The following SLC3A1 variants were observed in gnomAD, a reference collection of about 807,000 sequenced individuals.
SLC3A1 encodes amino acid transporter heavy chain SLC3A1.
In SLC3A1, 78 loss-of-function variants were observed where a neutral mutation model predicts 60.3. That is an observed-to-expected ratio of 1.29 (90% CI 1.08 to 1.56). The LOEUF is 1.56. Ranked by LOEUF, SLC3A1 falls within the 40% of genes most tolerant of loss-of-function variation. The probability of loss-of-function intolerance (pLI) is 0.00; values close to 1 mark genes in which losing one functional copy is unlikely to be tolerated. For synonymous variants in SLC3A1, 392 were observed against 307.9 expected (o/e 1.27, Z -2.86); for missense variants, 1,172 against 858.9 (o/e 1.36, Z -4.56).
intron 3 of SLC3A1, among the ~76,000 whole-genome samples, chr2:44,284,343 G>T (rs760717909): frequency 1.3e-5 from 2 of 152,116 alleles, no homozygotes; most frequent in Non-Finnish European, 2.9e-5. Flanking sequence ...TTCCCAGAGT[G>T]CTAGGATTAC....
chr2:44,286,231 A>G, intron 4 of SLC3A1, 74 bp downstream of exon 4: 2 of 1,434,366 alleles, frequency 1.4e-6, no homozygotes, highest in Non-Finnish European at 2.0e-6. Context: ...TTTATATTGC[A>G]CAGTAATTGT....
At position 44,299,968 on chromosome 2, in the gene SLC3A1, T is replaced by A; in HGVS notation, c.892-3T>A. ...ACCAAGCATTTTGCTTCTTCATCTT[T>A]AGGAAATTTTACGGTTCTGGCTCAC... On this transcript the variant is annotated splice_region_variant and splice_polypyrimidine_tract_variant and intron_variant, in intron 4 of 9. Coordinates refer to ENST00000260649, the MANE Select transcript of SLC3A1 (RefSeq NM_000341.4). The A allele has an allele frequency of 6.2e-7, 1 of 1,614,124 alleles. No homozygotes were observed. Among genetic ancestry groups the A allele is most frequent in the Non-Finnish European group, 8.5e-7 (1 of 1,179,966 alleles).
chr2:44,306,365 C>G (rs570451164), intron 7 of SLC3A1, among the ~76,000 whole-genome samples: 1 of 152,094 alleles, frequency 6.6e-6, no homozygotes, highest in African/African-American at 2.4e-5. Context: ...TTATTTCAAT[C>G]TTTTCTGATG....
chr2:44,312,435 A>T (rs1331917000), intron 7 of SLC3A1, 151 bp from the exon 8 acceptor site: 7 of 749,222 alleles, frequency 9.3e-6, no homozygotes, highest in Non-Finnish European at 9.4e-6. Context: ...TTACACAGCA[A>T]ATAGCAGGCC....
rs1276960405 is a variant in SLC3A1 at position 44,321,413 on chromosome 2, T to G, written c.*774T>G. On this transcript the variant is annotated 3_prime_UTR_variant, in exon 10 of 10. Coordinates refer to ENST00000260649, the MANE Select transcript of SLC3A1 (RefSeq NM_000341.4). ...AAACACTGGTGCTGTCAAGTCCAAG[T>G]TCCTCGTACAGGAATTTAATTTGGG... 2.5e-6 allele frequency: 4 copies of G among 1,613,170 alleles called. No homozygotes were observed. The highest frequency in any genetic ancestry group is 1.7e-6 in the Non-Finnish European group (2 of 1,179,292).
Position 44,304,210 on chromosome 2 carries a change from A to T in SLC3A1, c.1204A>T (p.Ile402Phe). ...RTVMYYGLPF[I>F]QEADFPFNNY... The stretch of plus-strand genomic sequence containing the variant: ...CGTGATGTACTATGGATTGCCATTT[A>T]TCCAAGAAGCTGATTTTCCCTTCAA... Residue 402 changes from isoleucine to phenylalanine, a missense_variant, in exon 7 of 10, where the codon ATC (isoleucine) becomes TTC (phenylalanine). Ile to Phe is a conservative substitution (Grantham distance 21). Coordinates refer to ENST00000260649, the MANE Select transcript of SLC3A1 (RefSeq NM_000341.4). 1 of 1,614,120 alleles carries T rather than the reference A, an allele frequency of 6.2e-7. No individual in the cohort carries two copies. Among genetic ancestry groups the T allele is most frequent in the Non-Finnish European group, 8.5e-7 (1 of 1,179,962 alleles).
intron 4 of SLC3A1, among the ~76,000 whole-genome samples, chr2:44,298,351 C>A (rs1018966562): frequency 1.5e-4 from 23 of 151,970 alleles, no homozygotes; most frequent in African/African-American, 5.6e-4. Context: ...GCTCCTCTGG[C>A]CACACTGGCC....
intron 4 of SLC3A1, among the ~76,000 whole-genome samples, chr2:44,299,313 A>G (rs1311470449): frequency 6.6e-6 from 1 of 152,252 alleles, no homozygotes; most frequent in Non-Finnish European, 1.5e-5. Context: ...TGCTGGGATT[A>G]CAGGCATGAG....
chr2:44,304,468 G>C, intron 7 of SLC3A1, 130 bp downstream of exon 7: 1 of 747,752 alleles, frequency 1.3e-6, no homozygotes, highest in Non-Finnish European at 2.4e-6. Context: ...TTGTTCAGTG[G>C]TCAGGCCTGT....
rs2241871 is a variant in SLC3A1, at chr2:44,321,474, T to C, written c.*835T>C. 0.68 allele frequency: 1,083,329 copies of C among 1,601,054 alleles called. 370,900 individuals are homozygous for C. Among genetic ancestry groups the C allele is most frequent in the African/African-American group, 0.76 (56,764 of 74,534 alleles). ...AAAGAAACACATTAAAAAAATTAAA[T>C]AGAAGGCCTTTGTAGTAAAATGCCA... is the stretch of plus-strand genomic sequence containing the variant. On this transcript the variant is annotated 3_prime_UTR_variant, in exon 10 of 10. Transcript: ENST00000260649.
rs534727007 is a variant in SLC3A1, at chr2:44,276,083, G to T, written c.430+118G>T. ...CAGTAAGCACATTCCATTATGACTG[G>T]TCATGCCAAGTTGCTCCTTGTTTAT... On this transcript the variant is annotated intron_variant, in intron 1 of 9. Transcript: ENST00000260649. The T allele has an allele frequency of 5.8e-6, 5 of 865,340 alleles. No individual in the cohort carries two copies. The Middle Eastern group carries it at 1.1e-3, about 191-fold the overall frequency. 53.6% of individuals were successfully genotyped at this position (865,340 alleles called of 1,614,324 possible).
intron 7 of SLC3A1, among the ~76,000 whole-genome samples, chr2:44,306,258 G>A (rs79438261): frequency 0.026 from 3,898 of 152,242 alleles, 162 homozygotes; most frequent in African/African-American, 0.088. Flanking sequence ...GATCCTGCCA[G>A]CTATCTTACA....
chr2:44,285,973 C>A, intron 3 of SLC3A1, 59 bp from the exon 4 acceptor site: 14 of 1,602,298 alleles, frequency 8.7e-6, no homozygotes, highest in South Asian at 1.1e-5. Flanking sequence ...GGGCAATGAT[C>A]TTTATTTGTG....
chr2:44,314,071 G>T (rs1558469875), intron 9 of SLC3A1, 120 bp downstream of exon 9: 2 of 1,556,270 alleles, frequency 1.3e-6, no homozygotes, highest in South Asian at 1.2e-5. Context: ...ATCAATCACA[G>T]ACTTCCTTGC....
rs1672853740 is a variant in SLC3A1 at position 44,320,624 on chromosome 2, G to A, written c.2043G>A (p.Leu681=). The part of the protein sequence containing the change: ...RACYSSVLNI[L]YTSC ...GCTATTCCAGTGTACTGAACATACT[G>A]TATACCTCGTGTTAGGCACCTTTAT... Residue 681 remains leucine (L), a synonymous_variant, in exon 10 of 10, where the codon CTG becomes CTA. Coordinates refer to ENST00000260649, the MANE Select transcript of SLC3A1 (RefSeq NM_000341.4). 1 of 1,613,640 alleles carries A rather than the reference G, an allele frequency of 6.2e-7. No individual in the cohort carries two copies. The highest frequency in any genetic ancestry group is 1.1e-5 in the South Asian group (1 of 91,054).
intron 7 of SLC3A1, among the ~76,000 whole-genome samples, chr2:44,304,998 T>A (rs1672117843): frequency 6.6e-6 from 1 of 151,660 alleles, no homozygotes; most frequent in African/African-American, 2.4e-5. Flanking sequence ...ATTATTTTTG[T>A]TTTTGTATTT....
At chr2:44,307,794 TGATA>T (rs1372214843) in intron 7 of SLC3A1, among the ~76,000 whole-genome samples, 1 of 152,206 alleles carries the variant, frequency 6.6e-6, no homozygotes, top group Non-Finnish European at 1.5e-5. Flanking sequence ...GTCACTTTCT[TGATA>T]GTGTCCCTTG....
At chr2:44,318,214 C>T (rs1304435294) in intron 9 of SLC3A1, 2 of 385,194 alleles carry the variant, frequency 5.2e-6, no homozygotes, top group South Asian at 1.8e-5. Context: ...CTGCAGCCTC[C>T]CAAGTAGCTG....
intron 4 of SLC3A1, among the ~76,000 whole-genome samples, chr2:44,296,899 G>A (rs1031166271): frequency 2.6e-5 from 4 of 152,164 alleles, no homozygotes; most frequent in East Asian, 1.9e-4. Context: ...GAGTTCTTCT[G>A]CACAAACTCT....
Sources: allele counts gnomAD v4.1 joint callset (sites outside exome capture counted in the v4.1 genomes callset), GRCh38; gene constraint gnomAD v4.1.1; transcripts MANE v1.5; gene names NCBI Gene and HGNC (gene_info 2026-07-23, HGNC 2026-07-21).